Variants in WWOX observed in about 807,000 individuals in gnomAD.
WWOX encodes WW domain-containing oxidoreductase.
A neutral mutation model predicts 46.2 loss-of-function variants in WWOX; 69 were observed. The ratio of observed to expected loss-of-function variants is 1.49; its 90% CI spans 1.23 to 1.82. The LOEUF is 1.82. WWOX is among the 40% of genes most tolerant of loss of function. WWOX has a pLI of 0.00. For missense variants in WWOX, 919 were observed against 542.6 expected, an observed-to-expected ratio of 1.69 and a Z score of -6.89; for synonymous variants, 359 against 202.6, an observed-to-expected ratio of 1.77 and a Z score of -6.56.
intron 8 of WWOX, among the ~76,000 whole-genome samples, chr16:78,617,568 G>A (rs759897177): frequency 2.0e-5 from 3 of 152,158 alleles, no homozygotes; most frequent in African/African-American, 4.8e-5. Flanking sequence ...CTCTGAGGAC[G>A]TGCTTGTGTG....
intron 8 of WWOX, among the ~76,000 whole-genome samples, chr16:78,771,601 G>C (rs921888254): frequency 1.3e-5 from 2 of 151,958 alleles, no homozygotes; most frequent in African/African-American, 4.8e-5. Flanking sequence ...GTGAAACCCC[G>C]TTTCTACTAG....
At chr16:79,130,962 A>G (rs2049865981) in intron 8 of WWOX, among the ~76,000 whole-genome samples, 1 of 152,214 alleles carries the variant, frequency 6.6e-6, no homozygotes. Context: ...AAGTGAAACT[A>G]GTGAGATGTG....
At chr16:78,988,149 T>A (rs1037296984) in intron 8 of WWOX, among the ~76,000 whole-genome samples, 4 of 151,518 alleles carry the variant, frequency 2.6e-5, no homozygotes, top group Non-Finnish European at 5.9e-5. Flanking sequence ...TTGAGACCAG[T>A]CTGGCCAACA....
intron 6 of WWOX, among the ~76,000 whole-genome samples, chr16:78,422,756 T>TATGCACATATATATACACATATATATAC (rs1279632567): frequency 9.6e-6 from 1 of 103,996 alleles, no homozygotes; most frequent in African/African-American, 6.6e-5. Context: ...TACACATATA[T>TATGCACATATATATACACATATATATAC]ACACATATAT....
chr16:78,890,510 C>T (rs1052512189), intron 8 of WWOX: 2 of 152,226 alleles, frequency 1.3e-5, no homozygotes, highest in Admixed American at 1.3e-4. Flanking sequence ...GGCAAGCCTC[C>T]TGGCTTCCCT....
chr16:79,168,139 C>T (rs1285030032), intron 8 of WWOX, among the ~76,000 whole-genome samples: 1 of 152,142 alleles, frequency 6.6e-6, no homozygotes, highest in African/African-American at 2.4e-5. Flanking sequence ...CATTGATGGA[C>T]ATTTGGGTTG....
chr16:78,357,566 G>A (rs1422062902), intron 5 of WWOX, among the ~76,000 whole-genome samples: 3 of 152,094 alleles, frequency 2.0e-5, no homozygotes, highest in Admixed American at 6.5e-5. Flanking sequence ...CAGAGAAAAC[G>A]TGGTCTGGGA....
chr16:78,441,609 C>G (rs2083446087), intron 8 of WWOX, among the ~76,000 whole-genome samples: 1 of 152,018 alleles, frequency 6.6e-6, no homozygotes, highest in South Asian at 2.1e-4. Flanking sequence ...ACAGGATGAG[C>G]TTTAGAGGTA....
chr16:78,099,943 G>T, intron 1 of WWOX, 58 bp downstream of exon 1: 1 of 1,533,684 alleles, frequency 6.5e-7, no homozygotes, highest in South Asian at 1.2e-5. Context: ...GCCCACGGAC[G>T]CCACCTGCGC....
chr16:79,076,911 C>A (rs973954299), intron 8 of WWOX, among the ~76,000 whole-genome samples: 2 of 152,190 alleles, frequency 1.3e-5, no homozygotes, highest in African/African-American at 4.8e-5. Flanking sequence ...CCTGTTTCAT[C>A]CTCATGCTTA....
At chr16:78,779,189 G>A (rs896274206) in intron 8 of WWOX, among the ~76,000 whole-genome samples, 1 of 152,170 alleles carries the variant, frequency 6.6e-6, no homozygotes, top group Non-Finnish European at 1.5e-5. Flanking sequence ...TTGTTTCCCA[G>A]GCTGGAGTGC....
intron 8 of WWOX, among the ~76,000 whole-genome samples, chr16:78,706,037 C>T (rs1443024050): frequency 2.1e-5 from 3 of 144,232 alleles, no homozygotes; most frequent in African/African-American, 5.1e-5. Context: ...CATACTTTGT[C>T]TCCAGTCAGA....
intron 4 of WWOX, among the ~76,000 whole-genome samples, chr16:78,155,514 T>A (rs538340845): frequency 1.9e-3 from 287 of 152,346 alleles, no homozygotes; most frequent in Admixed American, 2.9e-3. Flanking sequence ...CATGGCCACG[T>A]CATTTTTCTG....
In WWOX at chr16:78,797,848, C is replaced by T. The variant is rs566998894; in HGVS notation, c.1056+365096C>T. 3.9e-5 allele frequency among the ~76,000 whole-genome samples: 6 copies of T among 152,164 alleles called. No homozygotes were observed. In the South Asian group the frequency reaches 8.3e-4, roughly 21 times the overall value. Reference sequence around the variant, plus strand: ...ACAAAAAATACAAAAATTAGCTGCGCGTGGTGGCGCGTGCCTGTAGTCCTA... The same window carrying T: ...ACAAAAAATACAAAAATTAGCTGCGTGTGGTGGCGCGTGCCTGTAGTCCTA... On this transcript the variant is annotated intron_variant, in intron 8 of 8. Transcript: ENST00000566780.
At chr16:78,851,381 G>A (rs1177048712) in intron 8 of WWOX, among the ~76,000 whole-genome samples, 2 of 152,310 alleles carry the variant, frequency 1.3e-5, no homozygotes, top group African/African-American at 4.8e-5. Flanking sequence ...CAGAAAAAGA[G>A]TTTACTTATA....
chr16:78,293,063 G>A (rs2079885470), intron 5 of WWOX, among the ~76,000 whole-genome samples: 1 of 152,148 alleles, frequency 6.6e-6, no homozygotes, highest in Admixed American at 6.5e-5. Flanking sequence ...TAGCCTCCAA[G>A]GTATCTGAGC....
chr16:78,493,320 C>G (rs960046929), intron 8 of WWOX, among the ~76,000 whole-genome samples: 10 of 152,104 alleles, frequency 6.6e-5, no homozygotes, highest in African/African-American at 2.4e-4. Flanking sequence ...TATTTGGGTC[C>G]AGAAGCTTCC....
intron 8 of WWOX, among the ~76,000 whole-genome samples, chr16:78,498,236 G>A (rs1236759392): frequency 6.9e-6 from 1 of 144,796 alleles, no homozygotes; most frequent in Non-Finnish European, 1.5e-5. Context: ...AAGCATCAGG[G>A]TTGTCACCAT....
chr16:78,964,175 G>T (rs9926476), intron 8 of WWOX, among the ~76,000 whole-genome samples: 15 of 151,632 alleles, frequency 9.9e-5, no homozygotes, highest in African/African-American at 3.2e-4. Context: ...CTGAAAATGT[G>T]GAAGTGACTT....
Sources: gnomAD v4.1 joint callset for allele counts (sites outside exome capture counted in the v4.1 genomes callset) on GRCh38, gnomAD v4.1.1 for gene constraint, MANE v1.5 for transcripts, NCBI Gene and HGNC (gene_info 2026-07-23, HGNC 2026-07-21) for gene names.